C12orf76: variants seen among roughly 807,000 people sequenced by gnomAD.
C12orf76 encodes the protein chromosome 12 open reading frame 76.
Under a neutral mutation model 6.8 loss-of-function variants are expected in C12orf76, and 6 were observed. That is an observed-to-expected ratio of 0.88 (90% CI 0.48 to 1.73). The LOEUF (loss-of-function observed/expected upper bound fraction) is 1.73, where lower values mean the gene tolerates loss of function less well. C12orf76 is among the 40% of genes most tolerant of loss of function. The pLI, the probability that C12orf76 is intolerant of heterozygous loss-of-function variation, is 0.01. For synonymous variants in C12orf76, 56 were observed against 43.7 expected, an observed-to-expected ratio of 1.28 and a Z score of -1.11; for missense variants, 99 against 98.2, an observed-to-expected ratio of 1.01 and a Z score of -0.03.
upstream of C12orf76, among the ~76,000 whole-genome samples, chr12:110,053,369 T>G (rs979989756): frequency 2.6e-5 from 4 of 151,586 alleles, no homozygotes; most frequent in African/African-American, 4.9e-5. Context: ...TTTGGTGGTG[T>G]GCACCTATAA....
At chr12:110,054,143 G>A (rs1442566868), upstream of C12orf76, among the ~76,000 whole-genome samples, 2 of 152,122 alleles carry the variant, frequency 1.3e-5, no homozygotes, top group Admixed American at 1.3e-4. The surrounding 1 kb of genome is among the most constrained non-coding windows in gnomAD (Gnocchi z 4.4). Flanking sequence ...GAATTAACTA[G>A]AGCTGTGCAT....
chr12:110,067,857 T>C (rs888443677), upstream of C12orf76, among the ~76,000 whole-genome samples: 12 of 152,168 alleles, frequency 7.9e-5, no homozygotes, highest in Admixed American at 7.2e-4. Flanking sequence ...ACTTGTTGGC[T>C]CCTCTGAGGT....
At chr12:110,068,943 C>A (rs1162916734), upstream of C12orf76, among the ~76,000 whole-genome samples, 1 of 152,226 alleles carries the variant, frequency 6.6e-6, no homozygotes, top group African/African-American at 2.4e-5. Context: ...AAACTTAAGG[C>A]TTCACACTGC....
upstream of C12orf76, among the ~76,000 whole-genome samples, chr12:110,068,256 GA>G (rs1555253378): frequency 0.02 from 1,291 of 65,730 alleles, 22 homozygotes; most frequent in Middle Eastern, 0.054. Flanking sequence ...GAAAGAAGAA[GA>G]AGAAGAAGAA....
intron 1 of C12orf76, among the ~76,000 whole-genome samples, chr12:110,046,905 C>T (rs1892464041): frequency 1.3e-5 from 2 of 151,998 alleles, no homozygotes; most frequent in African/African-American, 2.4e-5. Flanking sequence ...TTATCATAGC[C>T]CCCCCACTGC....
chr12:110,042,314 G>T lies in C12orf76; in HGVS notation c.*60C>A. ...AGTTTTGGTTCCAACTTCTCCACTG[G>T]CCTGTGTGCAACACAACTTATCCTA... On this transcript the variant is annotated 3_prime_UTR_variant, in exon 2 of 2. Transcript: ENST00000615315. 3 of 1,397,290 alleles carry T rather than the reference G, an allele frequency of 2.1e-6. No homozygotes were observed. The highest frequency in any genetic ancestry group is 2.1e-4 in the Middle Eastern group (1 of 4,742). 86.6% of individuals were successfully genotyped at this position (1,397,290 alleles called of 1,614,324 possible). A position where few individuals can be genotyped will look rare whatever the true frequency, so the allele number is the denominator to read the frequency against.
rs540508641 is a variant in C12orf76 at position 110,048,393 on chromosome 12, G to A, written c.103C>T (p.Pro35Ser). 18 of 1,515,640 alleles carry A rather than the reference G, an allele frequency of 1.2e-5. 1 individual carries two copies. The South Asian group carries it at 1.8e-4, about 15-fold the overall frequency. 93.9% of individuals were successfully genotyped at this position (1,515,640 alleles called of 1,614,324 possible). A position where few individuals can be genotyped will look rare whatever the true frequency, so the allele number is the denominator to read the frequency against. Reference sequence around the variant, plus strand: ...TTCTGCCCTCGCAGCACCGCGTACGGCCGGCTCCGCTCCAGCGGATCCACG... The same window carrying A: ...TTCTGCCCTCGCAGCACCGCGTACGACCGGCTCCGCTCCAGCGGATCCACG... Reference protein sequence around the residue: ...SPVDPLERSRPYAVLRGQNLV... With the variant: ...SPVDPLERSRSYAVLRGQNLV... The change falls in exon 1 of 2, where the codon CCG becomes TCG. Residue 35 changes from proline to serine, a missense_variant. Physicochemically the swap from Pro to Ser is moderately conservative, Grantham distance 74 (BLOSUM62 -1). Transcript: ENST00000615315.
chr12:110,046,777 G>A (rs1892460574), intron 1 of C12orf76, among the ~76,000 whole-genome samples: 1 of 152,168 alleles, frequency 6.6e-6, no homozygotes. Flanking sequence ...ATCCAATGGG[G>A]ATTTGGCGTA....
chr12:110,068,311 A>AAGG (rs1892913029), upstream of C12orf76, among the ~76,000 whole-genome samples: 1 of 144,894 alleles, frequency 6.9e-6, no homozygotes, highest in Non-Finnish European at 1.5e-5. Flanking sequence ...GAAGAAGAAG[A>AAGG]AGAAGAAGAA....
intron 1 of C12orf76, chr12:110,044,009 C>T (rs1411919587): frequency 2.1e-5 from 3 of 143,484 alleles, no homozygotes; most frequent in African/African-American, 8.1e-5. Context: ...CTTTAAACTA[C>T]TACATAACAA....
rs1892308934 is a variant in C12orf76 at position 110,041,438 on chromosome 12, C to A, written c.*936G>T. 1 of 152,496 alleles carries A rather than the reference C, an allele frequency of 6.6e-6. No individual in the cohort carries two copies. The highest frequency in any genetic ancestry group is 6.5e-5 in the Admixed American group (1 of 15,270). 9.4% of individuals were successfully genotyped at this position (152,496 alleles called of 1,614,324 possible). On this transcript the variant is annotated 3_prime_UTR_variant, in exon 2 of 2. Coordinates refer to ENST00000615315, the MANE Select transcript of C12orf76 (RefSeq NM_001389625.1). ...CTTTATAAGTATGAAAGTATCATTT[C>A]AATAGGAGGAAAAAATCCAGTTCAC...
chr12:110,065,417 C>T (rs1337133814), intron 2 of C12orf76, among the ~76,000 whole-genome samples: 3 of 152,016 alleles, frequency 2.0e-5, no homozygotes, highest in East Asian at 1.9e-4. Context: ...GTGATCTGCC[C>T]GCCTTGGCCT....
upstream of C12orf76, among the ~76,000 whole-genome samples, chr12:110,053,013 C>T (rs113354294): frequency 0.014 from 2,141 of 151,138 alleles, 27 homozygotes; most frequent in African/African-American, 0.029. Flanking sequence ...CCATCCTGGC[C>T]AACATGGCGA....
intron 2 of C12orf76, among the ~76,000 whole-genome samples, chr12:110,062,771 C>A: frequency 6.7e-6 from 1 of 149,732 alleles, no homozygotes. Context: ...AGGTGTGCAC[C>A]ACCATGCCCA....
At chr12:110,054,103 A>T (rs535572391), upstream of C12orf76, among the ~76,000 whole-genome samples, 131 of 152,082 alleles carry the variant, frequency 8.6e-4, no homozygotes, top group Middle Eastern at 6.8e-3. This position sits in a 1 kb window ranked among gnomAD's most constrained non-coding sequence, Gnocchi z 4.4. Flanking sequence ...AAATAATTTT[A>T]AAAATGGGAT....
chr12:110,070,164 G>A (rs916521450), upstream of C12orf76, among the ~76,000 whole-genome samples: 14 of 151,850 alleles, frequency 9.2e-5, no homozygotes, highest in African/African-American at 3.4e-4. Context: ...CTTGAACCTG[G>A]GAAGCAGAGC....
chr12:110,065,487 T>G (rs1378191395), intron 2 of C12orf76, among the ~76,000 whole-genome samples: 2 of 152,048 alleles, frequency 1.3e-5, no homozygotes, highest in Non-Finnish European at 2.9e-5. Context: ...TCTCCTCAAG[T>G]TGGTAAAAGG....
In C12orf76 at chr12:110,054,562, C is replaced by T. The variant is rs1467808684; in HGVS notation, n.664+2627G>A. ...AGGGGACAGAGGGAGGGAGAAATGG[C>T]GAGTGACTACTAATAGGCATGGGGT... On this transcript the variant is annotated intron_variant and non_coding_transcript_variant, in intron 4 of 4. Transcript: ENST00000309050. This position sits in a 1 kb window ranked among gnomAD's most constrained non-coding sequence, Gnocchi z 4.4. 3.3e-5 allele frequency among the ~76,000 whole-genome samples: 5 copies of T among 151,958 alleles called. No homozygotes were observed. The highest frequency in any genetic ancestry group is 2.1e-4 in the South Asian group (1 of 4,816).
chr12:110,062,153 A>G (rs1892781975), intron 2 of C12orf76, among the ~76,000 whole-genome samples: 1 of 152,096 alleles, frequency 6.6e-6, no homozygotes, highest in Admixed American at 6.5e-5. Context: ...AATCCCAGCT[A>G]CTTAGGAAGC....
Sources: allele counts gnomAD v4.1 joint callset (sites outside exome capture counted in the v4.1 genomes callset), GRCh38; gene constraint gnomAD v4.1.1; non-coding constraint Gnocchi (gnomAD v3.1); transcripts MANE v1.5; gene names NCBI Gene and HGNC (gene_info 2026-07-23, HGNC 2026-07-21).